ARHGAP12: variants seen among roughly 807,000 people sequenced by gnomAD.
ARHGAP12 encodes the protein Rho GTPase activating protein 12, also known as rho GTPase-activating protein 12.
ARHGAP12 carries 64 observed loss-of-function variants against 108.6 expected under a neutral mutation model. The ratio of observed to expected loss-of-function variants is 0.59; its 90% confidence interval spans 0.48 to 0.73. The LOEUF (loss-of-function observed/expected upper bound fraction) is 0.73, where lower values mean the gene tolerates loss of function less well. Ranked by LOEUF, ARHGAP12 falls within the 30% of genes least tolerant of loss-of-function variation. The pLI is 0.00. For missense variants in ARHGAP12, 940 were observed against 1,005.9 expected (o/e 0.93, Z 0.89); for synonymous variants, 312 against 337.2 (o/e 0.93, Z 0.82).
intron 7 of ARHGAP12, among the ~76,000 whole-genome samples, chr10:31,841,997 A>T (rs1836287146): frequency 6.6e-6 from 1 of 152,148 alleles, no homozygotes; most frequent in Non-Finnish European, 1.5e-5. Flanking sequence ...CAAAAAAATC[A>T]TATTCTTGCA....
At chr10:31,835,389 G>C (rs1243812426) in intron 9 of ARHGAP12, among the ~76,000 whole-genome samples, 1 of 152,054 alleles carries the variant, frequency 6.6e-6, no homozygotes, top group African/African-American at 2.4e-5. Context: ...GTTGGTCTAA[G>C]TATTTGATAC....
At chr10:31,907,905 T>C (rs1319660671) in intron 3 of ARHGAP12, among the ~76,000 whole-genome samples, 1 of 152,026 alleles carries the variant, frequency 6.6e-6, no homozygotes, top group African/African-American at 2.4e-5. Context: ...ACATAATCAA[T>C]AGAGAAAAGG....
chr10:31,900,315 A>G (rs1838866315), intron 3 of ARHGAP12, among the ~76,000 whole-genome samples: 1 of 152,200 alleles, frequency 6.6e-6, no homozygotes, highest in Admixed American at 6.5e-5. Flanking sequence ...TTACAAAGCT[A>G]AACAGAGTCA....
intron 19 of ARHGAP12, 69 bp downstream of exon 19, chr10:31,808,580 C>G: frequency 2.2e-6 from 3 of 1,394,022 alleles, no homozygotes; most frequent in Non-Finnish European, 3.0e-6. Flanking sequence ...TCTGAGTGAC[C>G]CTGGCCCCAC....
intron 4 of ARHGAP12, among the ~76,000 whole-genome samples, chr10:31,855,803 A>G (rs976567939): frequency 6.6e-6 from 1 of 152,166 alleles, no homozygotes; most frequent in Admixed American, 6.5e-5. Flanking sequence ...AATTTTCCAA[A>G]TTTTGCACAG....
chr10:31,927,727 G>A (rs1840108875), intron 1 of ARHGAP12, among the ~76,000 whole-genome samples: 1 of 152,214 alleles, frequency 6.6e-6, no homozygotes, highest in Non-Finnish European at 1.5e-5. Flanking sequence ...CAAAACTGCA[G>A]CTGCAGTCAA....
intron 9 of ARHGAP12, among the ~76,000 whole-genome samples, 158 bp from the exon 10 acceptor site, chr10:31,831,958 T>C (rs1239413312): frequency 6.6e-6 from 1 of 152,204 alleles, no homozygotes; most frequent in East Asian, 1.9e-4. Context: ...ACATTAAGAA[T>C]ATAACTTTCC....
intron 3 of ARHGAP12, among the ~76,000 whole-genome samples, chr10:31,869,768 A>G (rs1391255188): frequency 6.6e-6 from 1 of 152,232 alleles, no homozygotes; most frequent in African/African-American, 2.4e-5. Flanking sequence ...GGAACCATAT[A>G]TATAAGAAGG....
At chr10:31,829,513 C>G (rs1164336984) in intron 10 of ARHGAP12, among the ~76,000 whole-genome samples, 3 of 152,078 alleles carry the variant, frequency 2.0e-5, no homozygotes, top group Non-Finnish European at 1.5e-5. Context: ...AGCTTTCAAA[C>G]AGAAAGTAGA....
At chr10:31,809,466 G>A (rs1834936363) in intron 16 of ARHGAP12, 159 bp from the exon 17 acceptor site, 5 of 635,504 alleles carry the variant, frequency 7.9e-6, no homozygotes. Context: ...TAGATGCTTG[G>A]CAGGGGAGAG....
At chr10:31,922,180 C>CAAAAAAAA (rs56210740) in intron 1 of ARHGAP12, among the ~76,000 whole-genome samples, 1 of 66,134 alleles carries the variant, frequency 1.5e-5, no homozygotes. Context: ...GACCCTGCCT[C>CAAAAAAAA]AAAAAAAAAA....
chr10:31,820,850 G>C (rs544964834), intron 11 of ARHGAP12, among the ~76,000 whole-genome samples: 2 of 151,594 alleles, frequency 1.3e-5, no homozygotes, highest in Admixed American at 6.6e-5. Flanking sequence ...ATATAAACTG[G>C]AACTACTCCT....
intron 1 of ARHGAP12, among the ~76,000 whole-genome samples, chr10:31,924,092 T>C (rs1251691049): frequency 1.3e-5 from 2 of 152,240 alleles, no homozygotes. Flanking sequence ...GGAATTCTCT[T>C]CATTGCTGGT....
intron 4 of ARHGAP12, among the ~76,000 whole-genome samples, chr10:31,858,562 G>A (rs930886797): frequency 6.6e-6 from 1 of 152,060 alleles, no homozygotes; most frequent in African/African-American, 2.4e-5. Flanking sequence ...CTGTCTCGGC[G>A]GCATCTCTGG....
chr10:31,924,164 C>A (rs1839935005), intron 1 of ARHGAP12, among the ~76,000 whole-genome samples: 1 of 152,172 alleles, frequency 6.6e-6, no homozygotes, highest in Non-Finnish European at 1.5e-5. Flanking sequence ...TAAAGTTAAA[C>A]ATACGCTTAC....
At chr10:31,911,404 T>C (rs1839342678) in intron 1 of ARHGAP12, among the ~76,000 whole-genome samples, 1 of 152,188 alleles carries the variant, frequency 6.6e-6, no homozygotes, top group South Asian at 2.1e-4. Flanking sequence ...AACCTCCACC[T>C]CCTGGGCTCA....
At chr10:31,824,572 C>A (rs940936681) in intron 11 of ARHGAP12, among the ~76,000 whole-genome samples, 1 of 152,042 alleles carries the variant, frequency 6.6e-6, no homozygotes, top group Non-Finnish European at 1.5e-5. Context: ...TGTGTAAGAT[C>A]TTCTACAGTG....
At chr10:31,921,860 A>C (rs1174673382) in intron 1 of ARHGAP12, among the ~76,000 whole-genome samples, 1 of 151,474 alleles carries the variant, frequency 6.6e-6, no homozygotes, top group African/African-American at 2.4e-5. Flanking sequence ...AAAATGTTAG[A>C]GAAAAATCAA....
intron 1 of ARHGAP12, among the ~76,000 whole-genome samples, chr10:31,925,184 A>G (rs1269078161): frequency 6.6e-6 from 1 of 152,176 alleles, no homozygotes; most frequent in African/African-American, 2.4e-5. Flanking sequence ...TAAAAGTTTT[A>G]GGTCTTACTA....
Sources: allele counts gnomAD v4.1 joint callset (sites outside exome capture counted in the v4.1 genomes callset), GRCh38; gene constraint gnomAD v4.1.1; transcripts MANE v1.5; gene names NCBI Gene and HGNC (gene_info 2026-07-23, HGNC 2026-07-21).